ACTR3C: variants seen among roughly 807,000 people sequenced by gnomAD.
ACTR3C encodes the protein actin related protein 3C.
A neutral mutation model predicts 26.3 loss-of-function variants in ACTR3C; 18 were observed. That is an observed-to-expected ratio of 0.68 (90% CI 0.47 to 1.01). ACTR3C has a LOEUF of 1.01. Among genes scored for constraint, ACTR3C ranks in the 50% least tolerant of loss-of-function variants. The pLI is 0.00. For missense variants in ACTR3C, 184 were observed against 250.7 expected (o/e 0.73, Z 1.80); for synonymous variants, 55 against 94.5 (o/e 0.58, Z 2.42).
chr7:150,234,069 T>A, the ACTR3C span, among the ~76,000 whole-genome samples: 1 of 152,212 alleles, frequency 6.6e-6, no homozygotes. Flanking sequence ...GTCTCCACTC[T>A]TGACTTTGGG....
At chr7:149,985,452 G>C in the ACTR3C span, among the ~76,000 whole-genome samples, 6 of 152,148 alleles carry the variant, frequency 3.9e-5, no homozygotes, top group Non-Finnish European at 7.4e-5. Context: ...TTCTAGAAGA[G>C]CTTGACTTGG....
chr7:149,887,323 C>G, the ACTR3C span, among the ~76,000 whole-genome samples: 1 of 152,166 alleles, frequency 6.6e-6, no homozygotes, highest in East Asian at 1.9e-4. Context: ...TGAAGAGATG[C>G]TTAGTCAAGG....
the ACTR3C span, among the ~76,000 whole-genome samples, chr7:149,997,951 G>C: frequency 6.6e-6 from 1 of 150,548 alleles, no homozygotes; most frequent in African/African-American, 2.4e-5. Flanking sequence ...ACATTTACTA[G>C]TGCAAGTATC....
chr7:150,037,422 C>A, the ACTR3C span, among the ~76,000 whole-genome samples: 50 of 38,428 alleles, frequency 1.3e-3, 3 homozygotes, highest in African/African-American at 4.1e-3. Flanking sequence ...AGTGGAGGAA[C>A]TAGGGGATGG....
chr7:150,025,806 TC>T, the ACTR3C span, among the ~76,000 whole-genome samples: 1 of 151,928 alleles, frequency 6.6e-6, no homozygotes, highest in Admixed American at 6.5e-5. Flanking sequence ...TTTCCAGGAA[TC>T]AAGTTTTTCC....
chr7:150,235,330 C>T, the ACTR3C span, among the ~76,000 whole-genome samples: 2 of 152,304 alleles, frequency 1.3e-5, no homozygotes, highest in African/African-American at 4.8e-5. Flanking sequence ...GTGAGGGGTC[C>T]TCAACATTTC....
chr7:149,998,110 T>C, the ACTR3C span, among the ~76,000 whole-genome samples: 1 of 150,796 alleles, frequency 6.6e-6, no homozygotes, highest in African/African-American at 2.4e-5. Flanking sequence ...ACTATAGACA[T>C]CCACCCTTCT....
the ACTR3C span, among the ~76,000 whole-genome samples, chr7:150,185,930 C>A: frequency 3.9e-5 from 6 of 152,208 alleles, no homozygotes; most frequent in Non-Finnish European, 8.8e-5. Context: ...AATGCTGCAA[C>A]TGCTCTGCAT....
chr7:150,172,213 A>C, the ACTR3C span, among the ~76,000 whole-genome samples: 3 of 150,684 alleles, frequency 2.0e-5, 1 homozygote, highest in African/African-American at 7.5e-5. Context: ...TACTTGTATT[A>C]GTCCATTTTC....
the ACTR3C span, among the ~76,000 whole-genome samples, chr7:150,141,586 G>A: frequency 1.3e-5 from 2 of 151,756 alleles, no homozygotes; most frequent in African/African-American, 2.4e-5. Context: ...TTAGTGACCA[G>A]AAGCATCGGA....
the ACTR3C span, among the ~76,000 whole-genome samples, chr7:150,098,889 A>G: frequency 3.3e-5 from 5 of 151,344 alleles, no homozygotes; most frequent in South Asian, 2.1e-4. Context: ...TGCATCTTAC[A>G]ATTTCAAATA....
At chr7:150,279,707 G>A (rs1282611815) in intron 6 of ACTR3C, among the ~76,000 whole-genome samples, 1 of 152,118 alleles carries the variant, frequency 6.6e-6, no homozygotes, top group African/African-American at 2.4e-5. Context: ...CAGCTCTGCA[G>A]GCCAAGCTCT....
the ACTR3C span, chr7:150,045,131 A>T: frequency 1.3e-5 from 2 of 152,262 alleles, no homozygotes; most frequent in African/African-American, 2.4e-5. Flanking sequence ...GGGTAGCAAA[A>T]TGATTACTCT....
intron 6 of ACTR3C, among the ~76,000 whole-genome samples, chr7:150,272,852 G>C (rs1382096766): frequency 7.3e-6 from 1 of 137,762 alleles, no homozygotes; most frequent in Admixed American, 6.8e-5. Context: ...AACACATCCA[G>C]CTAATTTTTT....
chr7:149,890,052 TTTAA>T, the ACTR3C span, among the ~76,000 whole-genome samples: 7 of 152,350 alleles, frequency 4.6e-5, no homozygotes, highest in East Asian at 9.6e-4. Context: ...TTATTCCATA[TTTAA>T]TAGTTATTCC....
the ACTR3C span, among the ~76,000 whole-genome samples, chr7:150,017,749 G>A: frequency 8.9e-4 from 133 of 149,704 alleles, 5 homozygotes; most frequent in Non-Finnish European, 2.7e-4. Flanking sequence ...CCTTTCACCC[G>A]TTATCCCCCA....
the ACTR3C span, among the ~76,000 whole-genome samples, chr7:150,117,894 A>G: frequency 6.6e-6 from 1 of 152,240 alleles, no homozygotes; most frequent in African/African-American, 2.4e-5. Context: ...AGGAGCAGGC[A>G]GCAATCTTTG....
At chr7:150,309,383 A>G (rs938092203) in intron 1 of ACTR3C, among the ~76,000 whole-genome samples, 4 of 152,222 alleles carry the variant, frequency 2.6e-5, no homozygotes, top group African/African-American at 7.2e-5. Flanking sequence ...AGCTCCTGAC[A>G]TTAGAAAAAA....
At chr7:150,132,407 G>T in the ACTR3C span, among the ~76,000 whole-genome samples, 3 of 152,004 alleles carry the variant, frequency 2.0e-5, no homozygotes, top group Non-Finnish European at 2.9e-5. Context: ...AAATAAACAA[G>T]CAAAAAGCAA....
Sources: gnomAD v4.1 joint callset for allele counts (sites outside exome capture counted in the v4.1 genomes callset) on GRCh38, gnomAD v4.1.1 for gene constraint, MANE v1.5 for transcripts, NCBI Gene and HGNC (gene_info 2026-07-23, HGNC 2026-07-21) for gene names.